The following ZC3H6 variants were observed in gnomAD, a reference collection of about 807,000 sequenced individuals.
ZC3H6 encodes the protein zinc finger CCCH-type containing 6.
Under a neutral mutation model 107.7 loss-of-function variants are expected in ZC3H6, and 40 were observed. That is an observed-to-expected ratio of 0.37 (90% CI 0.29 to 0.48). The LOEUF is 0.48. Ranked by LOEUF, ZC3H6 falls within the 20% of genes least tolerant of loss-of-function variation. ZC3H6 has a pLI of 0.98. For missense variants in ZC3H6, 1,267 were observed against 1,410.4 expected (o/e 0.90, Z 1.63); for synonymous variants, 493 against 487.9 (o/e 1.01, Z -0.14).
chr2:112,315,191 G>C (rs1050939385), intron 5 of ZC3H6, among the ~76,000 whole-genome samples: 6 of 152,122 alleles, frequency 3.9e-5, no homozygotes, highest in Non-Finnish European at 7.4e-5. Context: ...TTTTAGAGTT[G>C]ATGAATGTAA....
At chr2:112,312,705 C>A (rs1347614539) in intron 5 of ZC3H6, among the ~76,000 whole-genome samples, 1 of 151,918 alleles carries the variant, frequency 6.6e-6, no homozygotes, top group Non-Finnish European at 1.5e-5. Context: ...TACAAAAATA[C>A]AAGAATTTGT....
intron 1 of ZC3H6, among the ~76,000 whole-genome samples, chr2:112,288,099 T>C (rs1331295606): frequency 6.6e-6 from 1 of 152,158 alleles, no homozygotes; most frequent in Non-Finnish European, 1.5e-5. Context: ...ACTTTGAGAG[T>C]ATGAGAGGTG....
chr2:112,307,995 A>G (rs1035196877), intron 3 of ZC3H6, among the ~76,000 whole-genome samples: 2 of 152,224 alleles, frequency 1.3e-5, no homozygotes, highest in Admixed American at 1.3e-4. Flanking sequence ...GTTGAAATAT[A>G]TCAAGTATTA....
rs1248893679 is a variant in ZC3H6 at position 112,339,795 on chromosome 2, G to A, written c.*7307G>A. ...ATGCTGCCTTGACTATTTTACTTTG[G>A]AAGGTTTTACTAGATATCAGTTTAG... On this transcript the variant is annotated 3_prime_UTR_variant, in exon 12 of 12. Coordinates refer to ENST00000409871, the MANE Select transcript of ZC3H6 (RefSeq NM_198581.3). The A allele has an allele frequency of 6.6e-6, 1 of 151,646 alleles. No homozygotes were observed. Among genetic ancestry groups the A allele is most frequent in the South Asian group, 2.1e-4 (1 of 4,818 alleles). 9.4% of individuals were successfully genotyped at this position (151,646 alleles called of 1,614,324 possible).
rs1242610089 is a variant in ZC3H6, at chr2:112,332,243, G to T, written c.3325G>T (p.Gly1109Trp). ...PSPNVGVTLE[G>W]PADPQADVPR... Reference sequence around the variant, plus strand: ...TCCAAACGTGGGAGTCACTCTTGAGGGGCCAGCTGACCCACAGGCGGACGT... The same window carrying T: ...TCCAAACGTGGGAGTCACTCTTGAGTGGCCAGCTGACCCACAGGCGGACGT... Residue 1109 changes from glycine (G) to tryptophan (W), a missense_variant, in exon 12 of 12, where the codon GGG becomes TGG. Physicochemically the swap from Gly to Trp is radical, Grantham distance 184 (BLOSUM62 -2). This residue lies in a region of ZC3H6 where 925 missense variants were observed against 1,025.7 expected (regional missense o/e 0.90). Transcript: ENST00000409871. 1 of 1,613,912 alleles carries T rather than the reference G, an allele frequency of 6.2e-7. No individual in the cohort carries two copies. Among genetic ancestry groups the T allele is most frequent in the Non-Finnish European group, 8.5e-7 (1 of 1,179,862 alleles).
chr2:112,307,464 C>A (rs995790533), intron 3 of ZC3H6, among the ~76,000 whole-genome samples: 3 of 152,054 alleles, frequency 2.0e-5, no homozygotes, highest in Non-Finnish European at 2.9e-5. Context: ...CAAAAGCTAT[C>A]TATTTTTGTG....
chr2:112,278,787 A>C (rs1342303045), intron 1 of ZC3H6, among the ~76,000 whole-genome samples: 1 of 152,114 alleles, frequency 6.6e-6, no homozygotes, highest in Admixed American at 6.6e-5. Flanking sequence ...CAGAATGCAT[A>C]ATTTTTTTCT....
At chr2:112,305,366 A>G (rs1246599898) in intron 3 of ZC3H6, among the ~76,000 whole-genome samples, 1 of 152,210 alleles carries the variant, frequency 6.6e-6, no homozygotes, top group African/African-American at 2.4e-5. Context: ...CATTATTGTA[A>G]TAAGTACATA....
chr2:112,286,463 A>C (rs1377160962), intron 1 of ZC3H6: 1 of 157,486 alleles, frequency 6.3e-6, no homozygotes, highest in Non-Finnish European at 1.4e-5. Flanking sequence ...TTTGGAAACA[A>C]GGTTGGCTCT....
At chr2:112,291,682 A>G (rs1440664708) in intron 1 of ZC3H6, among the ~76,000 whole-genome samples, 1 of 152,198 alleles carries the variant, frequency 6.6e-6, no homozygotes, top group Non-Finnish European at 1.5e-5. Context: ...GATGAAGAAG[A>G]AAATAAAGCT....
chr2:112,324,099 CTTGT>C, intron 9 of ZC3H6, 49 bp from the exon 10 acceptor site: 4 of 1,501,906 alleles, frequency 2.7e-6, no homozygotes, highest in Non-Finnish European at 3.6e-6. Context: ...TGTTAACATT[CTTGT>C]TTGTTTCTTT....
Position 112,325,003 on chromosome 2 carries a change from C to T in ZC3H6, c.1892C>T (p.Pro631Leu). ...GGTGAATTTGCCCAGCAGCAGCCTC[C>T]TGTTGTTCAAGACTCACCTAACCAT... ...WHGEFAQQQP[P>L]VVQDSPNHGS... is the part of the protein sequence containing the mutation. The change falls in exon 11 of 12, where the codon CCT becomes CTT. Residue 631 changes from proline to leucine, a missense_variant. Pro to Leu is a moderately conservative substitution (Grantham distance 98). Transcript: ENST00000409871. The T allele has an allele frequency of 6.2e-7, 1 of 1,611,882 alleles. No homozygotes were observed. Among genetic ancestry groups the T allele is most frequent in the Non-Finnish European group, 8.5e-7 (1 of 1,178,934 alleles).
intron 1 of ZC3H6, among the ~76,000 whole-genome samples, chr2:112,293,967 G>A (rs1307290289): frequency 6.6e-6 from 1 of 152,178 alleles, no homozygotes; most frequent in Middle Eastern, 3.2e-3. Flanking sequence ...TAGCTAAGTA[G>A]TTTTTTAGCC....
At chr2:112,289,471 C>T (rs1370712507) in intron 1 of ZC3H6, among the ~76,000 whole-genome samples, 2 of 151,458 alleles carry the variant, frequency 1.3e-5, no homozygotes, top group African/African-American at 2.4e-5. Flanking sequence ...ATTACAGGCG[C>T]CCGCAACCAC....
In ZC3H6 at chr2:112,334,679, CTTA is replaced by C. The variant is rs1677106634; in HGVS notation, c.*2194_*2196del. 2 of 152,448 alleles carry C rather than the reference CTTA, an allele frequency of 1.3e-5. No individual in the cohort carries two copies. The highest frequency in any genetic ancestry group is 2.1e-4 in the South Asian group (1 of 4,814). The allele number at this position is 152,448 out of a possible 1,614,324, so 9.4% of individuals were successfully genotyped here. A position where few individuals can be genotyped will look rare whatever the true frequency, so the allele number is the denominator to read the frequency against. On this transcript the variant is annotated 3_prime_UTR_variant, in exon 12 of 12. Coordinates refer to ENST00000409871, the MANE Select transcript of ZC3H6 (RefSeq NM_198581.3). ...ATGAAAATGTTTATGTTTAAAATAACTTATTTATTATGCAGCATTTTTATTGTG... is the reference window on the plus strand; with the variant it reads ...ATGAAAATGTTTATGTTTAAAATAACTTTATTATGCAGCATTTTTATTGTG...
intron 11 of ZC3H6, among the ~76,000 whole-genome samples, chr2:112,330,066 T>G (rs983628436): frequency 1.3e-5 from 2 of 151,950 alleles, no homozygotes; most frequent in African/African-American, 4.8e-5. Context: ...TTTTTTTTTT[T>G]TTTTGAGATG....
Position 112,309,909 on chromosome 2 carries a change from A to G in ZC3H6, c.361A>G (p.Ile121Val), listed in dbSNP as rs1211065665. The G allele has an allele frequency of 1.3e-6, 2 of 1,587,442 alleles. No individual in the cohort carries two copies. The highest frequency in any genetic ancestry group is 1.7e-6 in the Non-Finnish European group (2 of 1,165,956). The change falls in exon 4 of 12, where the codon ATA becomes GTA. Residue 121 changes from isoleucine to valine, a missense_variant. By Grantham distance (29) the Ile-to-Val change is conservative. Transcript: ENST00000409871. ...GCGTGGACATATATCAGGAAGCTAC[A>G]TAACATCAAAGAAGGGTCAACATAA... The part of the protein sequence containing the change: ...TQRGHISGSY[I>V]TSKKGQHNKK...
chr2:112,334,370 T>C lies in ZC3H6; in HGVS notation c.*1882T>C, dbSNP rs1677102447. ...ATCTTTCATTCATGTAGTTTATAATTATTGTGTCAAGCAGTGCTGTTTACA... is the reference window on the plus strand; with the variant it reads ...ATCTTTCATTCATGTAGTTTATAATCATTGTGTCAAGCAGTGCTGTTTACA... On this transcript the variant is annotated 3_prime_UTR_variant, in exon 12 of 12. Coordinates refer to ENST00000409871, the MANE Select transcript of ZC3H6 (RefSeq NM_198581.3). The C allele has an allele frequency of 6.6e-6, 1 of 152,102 alleles. No individual in the cohort carries two copies. The highest frequency in any genetic ancestry group is 1.5e-5 in the Non-Finnish European group (1 of 67,958). The allele number at this position is 152,102 out of a possible 1,614,324, so 9.4% of individuals were successfully genotyped here. A position where few individuals can be genotyped will look rare whatever the true frequency, so the allele number is the denominator to read the frequency against.
rs748271685 is a variant in ZC3H6, at chr2:112,324,507, G to C, written c.1696G>C (p.Glu566Gln). The C allele has an allele frequency of 6.2e-7, 1 of 1,613,360 alleles. No individual in the cohort carries two copies. The highest frequency in any genetic ancestry group is 8.5e-7 in the Non-Finnish European group (1 of 1,179,616). Residue 566 changes from glutamate (E) to glutamine (Q), a missense_variant, in exon 10 of 12, where the codon GAG becomes CAG. Around this residue, in one of 3 missense-constraint regions of ZC3H6, gnomAD observed 925 missense variants for 1,025.7 expected, o/e 0.90. Coordinates refer to ENST00000409871, the MANE Select transcript of ZC3H6 (RefSeq NM_198581.3). ...FPGHVMKVPR[E>Q]NHCSPGSSYQ... The stretch of plus-strand genomic sequence containing the variant: ...AGGACATGTGATGAAAGTACCCAGA[G>C]AGAATCACTGTTCTCCAGGTTCATC...
Sources: allele counts gnomAD v4.1 joint callset (sites outside exome capture counted in the v4.1 genomes callset), GRCh38; gene constraint gnomAD v4.1.1; regional missense constraint gnomAD v4.1.1; transcripts MANE v1.5; gene names NCBI Gene and HGNC (gene_info 2026-07-23, HGNC 2026-07-21).